The following GCNT4 variants were observed in gnomAD, a reference collection of about 807,000 sequenced individuals.
The protein encoded by GCNT4 is glucosaminyl (N-acetyl) transferase 4.
A neutral mutation model predicts 31.3 loss-of-function variants in GCNT4; 17 were observed. That is an observed-to-expected ratio of 0.54 (90% CI 0.37 to 0.81). The LOEUF (loss-of-function observed/expected upper bound fraction) is 0.81, where lower values mean the gene tolerates loss of function less well. Among genes scored for constraint, GCNT4 ranks in the 40% least tolerant of loss-of-function variants. The pLI is 0.00. For synonymous variants in GCNT4, 158 were observed against 190.6 expected, an observed-to-expected ratio of 0.83 and a Z score of 1.41; for missense variants, 503 against 525.5, an observed-to-expected ratio of 0.96 and a Z score of 0.42.
In GCNT4 at chr5:75,032,872, G is replaced by GGT. The variant is rs60551634; in HGVS notation, c.-1-2836_-1-2835dup. Among the ~76,000 whole-genome samples, 788 of 130,710 alleles carry GGT rather than the reference G, an allele frequency of 6.0e-3. 8 individuals are homozygous for GGT. Among genetic ancestry groups the GGT allele is most frequent in the Non-Finnish European group, 8.2e-3 (486 of 59,028 alleles). The allele number at this position is 130,710 out of a possible 152,430, so 85.8% of individuals were successfully genotyped here. A position where few individuals can be genotyped will look rare whatever the true frequency, so the allele number is the denominator to read the frequency against. On this transcript the variant is annotated intron_variant, in intron 3 of 3. Coordinates refer to ENST00000652361, the MANE Select transcript of GCNT4 (RefSeq NM_001366737.1). ...AGAAGACTAATCAATCCCAAATAGG[G>GGT]GTGTGTGTGTGTGTGTGTGTGTGTG...
At chr5:75,053,658 C>T (rs1743641765), upstream of GCNT4, among the ~76,000 whole-genome samples, 1 of 151,950 alleles carries the variant, frequency 6.6e-6, no homozygotes, top group Non-Finnish European at 1.5e-5. Context: ...TGCTGGGGAG[C>T]CGCTCTCGCC....
At position 75,027,328 on chromosome 5, in the gene GCNT4, TTC is replaced by T. The variant is rs201535580; in HGVS notation, c.*1346_*1347del. The T allele has an allele frequency of 4.2e-5, 2 of 48,112 alleles. No individual in the cohort carries two copies. The highest frequency in any genetic ancestry group is 6.4e-5 in the Non-Finnish European group (2 of 31,302). 3.0% of individuals were successfully genotyped at this position (48,112 alleles called of 1,614,324 possible). A position where few individuals can be genotyped will look rare whatever the true frequency, so the allele number is the denominator to read the frequency against. The stretch of plus-strand genomic sequence containing the variant: ...TAATTATATGTATATATAATATATA[TTC>T]ATATACAATATATGTATATATAATA... On this transcript the variant is annotated 3_prime_UTR_variant, in exon 4 of 4. Coordinates refer to ENST00000652361, the MANE Select transcript of GCNT4 (RefSeq NM_001366737.1).
chr5:75,053,027 C>T (rs1055039281), upstream of GCNT4, among the ~76,000 whole-genome samples: 1 of 151,976 alleles, frequency 6.6e-6, no homozygotes, highest in African/African-American at 2.4e-5. Flanking sequence ...GCGACTCCAG[C>T]CTGGCGGCTC....
In GCNT4 at chr5:75,029,158, G is replaced by T. The variant is rs768055027; in HGVS notation, c.880C>A (p.His294Asn). ...CTGCCAACAAATATCTGAATGTTAT[G>T]GGGGGGTGCTTCCTTGGAGATGTTT... ...RTNISKEAPP[H>N]NIQIFVGSAY... is the part of the protein sequence containing the mutation. Residue 294 changes from histidine to asparagine, a missense_variant, in exon 4 of 4, where the codon CAT (histidine) becomes AAT (asparagine). Physicochemically the swap from His to Asn is moderately conservative, Grantham distance 68 (BLOSUM62 1). Coordinates refer to ENST00000652361, the MANE Select transcript of GCNT4 (RefSeq NM_001366737.1). 7.4e-6 allele frequency: 12 copies of T among 1,613,168 alleles called. No homozygotes were observed. Among genetic ancestry groups the T allele is most frequent in the African/African-American group, 4.0e-5 (3 of 74,898 alleles).
At chr5:75,042,914 A>C (rs777273276) in intron 3 of GCNT4, among the ~76,000 whole-genome samples, 7 of 152,326 alleles carry the variant, frequency 4.6e-5, no homozygotes, top group South Asian at 2.1e-4. Context: ...AGGAATTCAA[A>C]AATTAAGTTA....
Position 75,029,220 on chromosome 5 carries a change from C to T in GCNT4, c.818G>A (p.Arg273Gln), listed in dbSNP as rs201231990. The change falls in exon 4 of 4, where the codon CGG becomes CAG. Residue 273 changes from arginine (R) to glutamine (Q), a missense_variant. Coordinates refer to ENST00000652361, the MANE Select transcript of GCNT4 (RefSeq NM_001366737.1). The part of the protein sequence containing the change: ...ERFTYHHELR[R>Q]VPYEYVKLPI... Reference sequence around the variant, plus strand: ...TAGCTTCACATATTCATAAGGCACCCGTCTAAGTTCATGATGGTAAGTGAA... The same window carrying T: ...TAGCTTCACATATTCATAAGGCACCTGTCTAAGTTCATGATGGTAAGTGAA... The T allele has an allele frequency of 5.4e-5, 87 of 1,613,934 alleles. No homozygotes were observed. Among genetic ancestry groups the T allele is most frequent in the Non-Finnish European group, 7.0e-5 (83 of 1,180,016 alleles).
At chr5:75,025,041 C>T (rs892988776), downstream of GCNT4, among the ~76,000 whole-genome samples, 3 of 151,476 alleles carry the variant, frequency 2.0e-5, no homozygotes, top group Non-Finnish European at 4.4e-5. Flanking sequence ...TCAACCTACC[C>T]TATTGAAAAC....
intron 3 of GCNT4, among the ~76,000 whole-genome samples, chr5:75,047,041 C>T (rs1399327594): frequency 6.6e-6 from 1 of 152,230 alleles, no homozygotes. Context: ...GTTAACTACC[C>T]TAGCCCAGGC....
chr5:75,029,109 G>A lies in GCNT4; in HGVS notation c.929C>T (p.Ala310Val), dbSNP rs1432794476. 2 of 1,614,058 alleles carry A rather than the reference G, an allele frequency of 1.2e-6. No homozygotes were observed. Among genetic ancestry groups the A allele is most frequent in the Middle Eastern group, 3.3e-4 (2 of 6,062 alleles). ...VGSAYFVLSQ[A>V]FVKYIFNNSI... is the part of the protein sequence containing the mutation. Reference sequence around the variant, plus strand: ...GTTGTTGAAAATATATTTAACAAATGCTTGACTTAAAACAAAATAAGCACT... The same window carrying A: ...GTTGTTGAAAATATATTTAACAAATACTTGACTTAAAACAAAATAAGCACT... The change falls in exon 4 of 4, where the codon GCA becomes GTA. Residue 310 changes from alanine to valine, a missense_variant. Physicochemically the swap from Ala to Val is moderately conservative, Grantham distance 64 (BLOSUM62 0). Transcript: ENST00000652361.
intron 2 of GCNT4, among the ~76,000 whole-genome samples, chr5:75,051,040 G>A (rs1743558950): frequency 6.6e-6 from 1 of 152,206 alleles, no homozygotes; most frequent in Admixed American, 6.5e-5. Flanking sequence ...GGCCTCCCCG[G>A]TGCCATTCTC....
At chr5:75,045,884 T>C (rs551375747) in intron 3 of GCNT4, among the ~76,000 whole-genome samples, 1 of 152,160 alleles carries the variant, frequency 6.6e-6, no homozygotes, top group Non-Finnish European at 1.5e-5. Flanking sequence ...ATTTCTTTTC[T>C]ATAGAAATTT....
At position 75,027,577 on chromosome 5, in the gene GCNT4, C is replaced by G. The variant is rs1458988863; in HGVS notation, c.*1099G>C. The G allele has an allele frequency of 6.6e-6, 1 of 151,808 alleles. No individual in the cohort carries two copies. The highest frequency in any genetic ancestry group is 1.5e-5 in the Non-Finnish European group (1 of 67,910). 9.4% of individuals were successfully genotyped at this position (151,808 alleles called of 1,614,324 possible). Reference sequence around the variant, plus strand: ...CTCTGGAACTAAGCTGAGAAAAAGACTGCAAGAAACTTAGAGCTTTTATCA... The same window carrying G: ...CTCTGGAACTAAGCTGAGAAAAAGAGTGCAAGAAACTTAGAGCTTTTATCA... On this transcript the variant is annotated 3_prime_UTR_variant, in exon 4 of 4. Coordinates refer to ENST00000652361, the MANE Select transcript of GCNT4 (RefSeq NM_001366737.1).
intron 3 of GCNT4, among the ~76,000 whole-genome samples, chr5:75,047,422 G>A (rs1743466112): frequency 6.6e-6 from 1 of 152,154 alleles, no homozygotes; most frequent in African/African-American, 2.4e-5. Flanking sequence ...AAGCATTTTG[G>A]AGCATCTTGG....
intron 3 of GCNT4, among the ~76,000 whole-genome samples, chr5:75,043,747 G>A (rs73125231): frequency 0.023 from 3,541 of 152,260 alleles, 124 homozygotes; most frequent in African/African-American, 0.075. Flanking sequence ...TTTAAGCAAC[G>A]TGCACTTTGA....
intron 3 of GCNT4, among the ~76,000 whole-genome samples, chr5:75,037,547 A>AT (rs953654543): frequency 3.3e-5 from 5 of 152,296 alleles, no homozygotes; most frequent in Admixed American, 2.6e-4. Flanking sequence ...AAAGGAAAAG[A>AT]TTTTCTATTC....
chr5:75,038,376 C>T (rs1446910428), intron 3 of GCNT4, among the ~76,000 whole-genome samples: 1 of 152,196 alleles, frequency 6.6e-6, no homozygotes, highest in African/African-American at 2.4e-5. Context: ...GCCCATATTT[C>T]TTCTCTAAAT....
At chr5:75,039,150 T>C (rs904248891) in intron 3 of GCNT4, among the ~76,000 whole-genome samples, 5 of 152,142 alleles carry the variant, frequency 3.3e-5, no homozygotes, top group African/African-American at 1.2e-4. Context: ...AATGGCACAA[T>C]CTCGGCTCAC....
At chr5:75,035,868 T>C (rs56209527) in intron 3 of GCNT4, among the ~76,000 whole-genome samples, 2,670 of 152,308 alleles carry the variant, frequency 0.018, 43 homozygotes, top group Non-Finnish European at 0.025. Context: ...CTGTGGCTTA[T>C]TGTCCTGTTT....
At position 75,052,535 on chromosome 5, in the gene GCNT4, A is replaced by C. The variant is rs1472521493; in HGVS notation, c.-308T>G. ...GCTGTGGTAGGCACCGCCACCTCGC[A>C]GGCAGACGATCCCGGCCCGCTCTGC... On this transcript the variant is annotated 5_prime_UTR_variant, in exon 1 of 4. Transcript: ENST00000652361. The C allele has an allele frequency of 6.6e-6, 1 of 152,212 alleles. No homozygotes were observed. The highest frequency in any genetic ancestry group is 1.9e-4 in the East Asian group (1 of 5,178). 9.4% of individuals were successfully genotyped at this position (152,212 alleles called of 1,614,324 possible).
Sources: gnomAD v4.1 joint callset for allele counts (sites outside exome capture counted in the v4.1 genomes callset) on GRCh38, gnomAD v4.1.1 for gene constraint, MANE v1.5 for transcripts, NCBI Gene and HGNC (gene_info 2026-07-23, HGNC 2026-07-21) for gene names.